EPHA6: variants seen among roughly 807,000 people sequenced by gnomAD.
The protein encoded by EPHA6 is ephrin type-A receptor 6.
Under a neutral mutation model 112.0 loss-of-function variants are expected in EPHA6, and 50 were observed. The observed-to-expected ratio is 0.45, with a 90% confidence interval of 0.36 to 0.56. The LOEUF (loss-of-function observed/expected upper bound fraction) is 0.56, where lower values mean the gene tolerates loss of function less well. EPHA6 is among the 20% of genes least tolerant of loss of function. The pLI, the probability that EPHA6 is intolerant of heterozygous loss-of-function variation, is 0.00. For missense variants in EPHA6, 1,280 were observed against 1,417.4 expected, an observed-to-expected ratio of 0.90 and a Z score of 1.56; for synonymous variants, 529 against 490.7, an observed-to-expected ratio of 1.08 and a Z score of -1.03.
At chr3:96,900,606 G>A (rs1218854559) in intron 2 of EPHA6, among the ~76,000 whole-genome samples, 3 of 152,212 alleles carry the variant, frequency 2.0e-5, no homozygotes, top group Admixed American at 2.0e-4. Context: ...GAATACGGCT[G>A]TGACAGCAAG....
At chr3:97,615,509 A>T (rs963721987) in intron 13 of EPHA6, among the ~76,000 whole-genome samples, 2 of 152,160 alleles carry the variant, frequency 1.3e-5, no homozygotes, top group African/African-American at 4.8e-5. Context: ...CCTACGGGAT[A>T]AGACCTACTG....
intron 3 of EPHA6, among the ~76,000 whole-genome samples, chr3:97,091,290 C>T (rs1317580675): frequency 1.3e-5 from 2 of 151,984 alleles, no homozygotes; most frequent in African/African-American, 4.8e-5. Context: ...AAAAGGGATC[C>T]CCGCAAACTA....
chr3:96,895,502 T>TTA (rs2038218949), intron 2 of EPHA6, among the ~76,000 whole-genome samples: 1 of 152,124 alleles, frequency 6.6e-6, no homozygotes, highest in African/African-American at 2.4e-5. Context: ...TGTACAGAGT[T>TTA]TATAAAGTCT....
intron 5 of EPHA6, among the ~76,000 whole-genome samples, chr3:97,264,613 C>T (rs1186358333): frequency 6.6e-6 from 1 of 152,210 alleles, no homozygotes; most frequent in Non-Finnish European, 1.5e-5. Context: ...GATCAAGGGG[C>T]ATGTTTCAGC....
In EPHA6 at chr3:97,013,613, T is replaced by A. The variant is rs2044165142; in HGVS notation, c.1114+25620T>A. Among the ~76,000 whole-genome samples, 3 of 152,304 alleles carry A rather than the reference T, an allele frequency of 2.0e-5. No homozygotes were observed. In the South Asian group the frequency reaches 6.2e-4, roughly 32 times the overall value. On this transcript the variant is annotated intron_variant, in intron 3 of 17. Coordinates refer to ENST00000389672, the MANE Select transcript of EPHA6 (RefSeq NM_001080448.3). ...TTGTGCTGTTGCTTATATGAAGGGA[T>A]GTACACTCACATGGAGGCCATAAAT... is the stretch of plus-strand genomic sequence containing the variant.
At chr3:97,367,216 T>C (rs2084785055) in intron 5 of EPHA6, among the ~76,000 whole-genome samples, 1 of 152,198 alleles carries the variant, frequency 6.6e-6, no homozygotes, top group Non-Finnish European at 1.5e-5. Flanking sequence ...TAATACAGTA[T>C]TATATTAATG....
chr3:97,552,593 G>A (rs1341551359), intron 11 of EPHA6, among the ~76,000 whole-genome samples: 1 of 152,024 alleles, frequency 6.6e-6, no homozygotes, highest in Non-Finnish European at 1.5e-5. Context: ...ATATTATCCA[G>A]GGACATTATG....
At chr3:97,084,712 CA>C (rs1366898677) in intron 3 of EPHA6, among the ~76,000 whole-genome samples, 1 of 151,964 alleles carries the variant, frequency 6.6e-6, no homozygotes, top group East Asian at 1.9e-4. Context: ...AGGATTTCTG[CA>C]AGGATAGTTA....
At chr3:97,101,335 C>A (rs16838386) in intron 3 of EPHA6, among the ~76,000 whole-genome samples, 32,033 of 151,934 alleles carry the variant, frequency 0.21, 4,795 homozygotes, top group African/African-American at 0.4. Context: ...ATAGGATGAA[C>A]TCAACTACAA....
intron 14 of EPHA6, among the ~76,000 whole-genome samples, chr3:97,654,818 G>A (rs969131892): frequency 4.6e-5 from 7 of 151,778 alleles, no homozygotes; most frequent in Non-Finnish European, 5.9e-5. Flanking sequence ...GCATGGAAAA[G>A]AGTAGAAATT....
chr3:97,550,158 G>A (rs2093010183), intron 11 of EPHA6, among the ~76,000 whole-genome samples: 1 of 152,218 alleles, frequency 6.6e-6, no homozygotes, highest in Non-Finnish European at 1.5e-5. Flanking sequence ...CAGGATAACA[G>A]TCTTGCTTGG....
Position 97,747,578 on chromosome 3 carries a change from T to A in EPHA6, c.3278+6T>A. ...ATTTCAAGAATGAGCATTGAGTAAG[T>A]GATACTAGGTTTATTACTGTAACGA... is the stretch of plus-strand genomic sequence containing the variant. On this transcript the variant is annotated splice_donor_region_variant and intron_variant, in intron 17 of 17. Transcript: ENST00000389672. 1 of 1,599,184 alleles carries A rather than the reference T, an allele frequency of 6.3e-7. No homozygotes were observed. The highest frequency in any genetic ancestry group is 8.5e-7 in the Non-Finnish European group (1 of 1,173,060).
chr3:96,843,031 T>A (rs79666765), intron 1 of EPHA6, among the ~76,000 whole-genome samples: 10,465 of 152,186 alleles, frequency 0.069, 711 homozygotes, highest in Admixed American at 0.21. Context: ...ATGTCTTTTC[T>A]TCATAGCAGA....
At chr3:97,315,652 A>G (rs2081792382) in intron 5 of EPHA6, among the ~76,000 whole-genome samples, 2 of 151,878 alleles carry the variant, frequency 1.3e-5, no homozygotes, top group Admixed American at 6.6e-5. Flanking sequence ...GAAAAGGAGA[A>G]ATTTTTAGTG....
At chr3:97,338,280 G>A (rs760984538) in intron 5 of EPHA6, among the ~76,000 whole-genome samples, 21 of 152,000 alleles carry the variant, frequency 1.4e-4, no homozygotes, top group Admixed American at 7.9e-4. Context: ...ATTAAAGCTC[G>A]ATAAATGAAG....
At position 97,499,967 on chromosome 3, in the gene EPHA6, C is replaced by CT. The variant is rs556640211; in HGVS notation, c.2200+15914dup. 7.7e-4 allele frequency among the ~76,000 whole-genome samples: 117 copies of CT among 152,098 alleles called. 1 individual carries two copies. The highest frequency in any genetic ancestry group is 2.7e-3 in the African/African-American group (112 of 41,526). On this transcript the variant is annotated intron_variant, in intron 10 of 17. Transcript: ENST00000389672. Reference sequence around the variant, plus strand: ...AAATTTTATTTTATAAACTTTTTAACTTTTTTAACTTCTTGACTATAATAA... The same window carrying CT: ...AAATTTTATTTTATAAACTTTTTAACTTTTTTTAACTTCTTGACTATAATAA...
chr3:97,079,151 G>A (rs1257981409), intron 3 of EPHA6, among the ~76,000 whole-genome samples: 1 of 151,950 alleles, frequency 6.6e-6, no homozygotes, highest in Non-Finnish European at 1.5e-5. Context: ...ATACATGCAT[G>A]CATATGTTCA....
intron 2 of EPHA6, among the ~76,000 whole-genome samples, chr3:96,933,486 G>A (rs1307271796): frequency 6.6e-6 from 1 of 151,988 alleles, no homozygotes; most frequent in Non-Finnish European, 1.5e-5. Flanking sequence ...GCAAATATAT[G>A]GACAGCAAAT....
chr3:97,270,975 T>C (rs539091025), intron 5 of EPHA6, among the ~76,000 whole-genome samples: 6 of 152,320 alleles, frequency 3.9e-5, no homozygotes, highest in Admixed American at 3.9e-4. Flanking sequence ...ATAGGGGCCA[T>C]TGAGGAAAAG....
Sources: allele counts gnomAD v4.1 joint callset (sites outside exome capture counted in the v4.1 genomes callset), GRCh38; gene constraint gnomAD v4.1.1; transcripts MANE v1.5; gene names NCBI Gene and HGNC (gene_info 2026-07-23, HGNC 2026-07-21).